ATF6: variants seen among roughly 807,000 people sequenced by gnomAD.
ATF6 encodes the protein cyclic AMP-dependent transcription factor ATF-6 alpha.
A neutral mutation model predicts 83.6 loss-of-function variants in ATF6; 53 were observed. That is an observed-to-expected ratio of 0.63 (90% CI 0.51 to 0.80). The LOEUF (loss-of-function observed/expected upper bound fraction) is 0.80, where lower values mean the gene tolerates loss of function less well. Among genes scored for constraint, ATF6 ranks in the 30% least tolerant of loss-of-function variants. The pLI is 0.00. For missense variants in ATF6, 744 were observed against 797.9 expected (o/e 0.93, Z 0.81); for synonymous variants, 288 against 285.8 (o/e 1.01, Z -0.08).
rs16823450 is a variant in ATF6 at position 161,903,559 on chromosome 1, C to T, written c.1720-8737C>T. Among the ~76,000 whole-genome samples the T allele has an allele frequency of 6.4e-3, 976 of 152,178 alleles. 11 individuals carry two copies. The highest frequency in any genetic ancestry group is 0.022 in the African/African-American group (924 of 41,506). The stretch of plus-strand genomic sequence containing the variant: ...CTATATCAGTTGCATTTAACTGTTG[C>T]GTTTCCTCAGGGACTTCACTCTCCT... On this transcript the variant is annotated intron_variant, in intron 14 of 15. Coordinates refer to ENST00000367942, the MANE Select transcript of ATF6 (RefSeq NM_007348.4).
chr1:161,871,292 A>G (rs1300998328), intron 14 of ATF6, among the ~76,000 whole-genome samples: 2 of 151,602 alleles, frequency 1.3e-5, no homozygotes, highest in Non-Finnish European at 3.0e-5. Flanking sequence ...TTGCTGTGGA[A>G]TAGAATAATT....
At chr1:161,867,757 G>A (rs1447431389) in intron 14 of ATF6, among the ~76,000 whole-genome samples, 6 of 152,136 alleles carry the variant, frequency 3.9e-5, no homozygotes, top group Non-Finnish European at 4.4e-5. Context: ...AAGTAAACAC[G>A]TAAAGTGTCT....
chr1:161,897,015 A>G (rs909509280), intron 14 of ATF6, among the ~76,000 whole-genome samples: 1 of 152,240 alleles, frequency 6.6e-6, no homozygotes, highest in African/African-American at 2.4e-5. Flanking sequence ...AGAAATACGC[A>G]AACCAGTAAA....
chr1:161,930,544 GA>G (rs1267970105), intron 15 of ATF6, among the ~76,000 whole-genome samples: 1 of 152,160 alleles, frequency 6.6e-6, no homozygotes, highest in Non-Finnish European at 1.5e-5. Flanking sequence ...TTATTATAAA[GA>G]GGAGAATTTT....
intron 15 of ATF6, among the ~76,000 whole-genome samples, chr1:161,954,102 G>A (rs1688922183): frequency 6.6e-6 from 1 of 152,136 alleles, no homozygotes; most frequent in Non-Finnish European, 1.5e-5. Flanking sequence ...TAACAGAAAT[G>A]CAGTGCATGG....
chr1:161,786,100 C>T (rs930382274), intron 4 of ATF6, among the ~76,000 whole-genome samples: 6 of 18,886 alleles, frequency 3.2e-4, no homozygotes, highest in South Asian at 1.6e-3. Flanking sequence ...CTCAGCCTCC[C>T]GAGTACCTGG....
intron 12 of ATF6, among the ~76,000 whole-genome samples, chr1:161,855,175 G>T (rs2101830416): frequency 1.3e-5 from 2 of 152,238 alleles, no homozygotes; most frequent in East Asian, 3.9e-4. Flanking sequence ...ACATAAAGTG[G>T]ACCATGGTGG....
intron 8 of ATF6, among the ~76,000 whole-genome samples, chr1:161,820,354 A>G (rs905235646): frequency 2.6e-5 from 4 of 152,170 alleles, no homozygotes; most frequent in Admixed American, 6.5e-5. Flanking sequence ...CCCTGAGTAC[A>G]TGGGAATACT....
intron 4 of ATF6, among the ~76,000 whole-genome samples, chr1:161,785,972 GTTC>G: frequency 6.9e-6 from 1 of 145,404 alleles, no homozygotes; most frequent in Admixed American, 6.7e-5. Flanking sequence ...TCAAATTTTT[GTTC>G]TTTTTTTTTT....
intron 5 of ATF6, 83 bp downstream of exon 5, chr1:161,791,620 A>G: frequency 6.9e-7 from 1 of 1,445,016 alleles, no homozygotes; most frequent in Non-Finnish European, 9.2e-7. Context: ...TGCTGGATTA[A>G]ATTTATGTTT....
intron 15 of ATF6, among the ~76,000 whole-genome samples, chr1:161,929,165 G>T (rs1231109157): frequency 6.6e-6 from 1 of 152,154 alleles, no homozygotes; most frequent in Non-Finnish European, 1.5e-5. Flanking sequence ...TACTTTTTAG[G>T]TGCTGTGTAT....
At chr1:161,901,091 TTCTG>T (rs1321767433) in intron 14 of ATF6, among the ~76,000 whole-genome samples, 1 of 152,136 alleles carries the variant, frequency 6.6e-6, no homozygotes, top group East Asian at 1.9e-4. Flanking sequence ...AAGCAGATAT[TTCTG>T]TCTGTCATAC....
chr1:161,871,047 T>C (rs1472714411), intron 14 of ATF6, among the ~76,000 whole-genome samples: 1 of 151,720 alleles, frequency 6.6e-6, no homozygotes, highest in Non-Finnish European at 1.5e-5. Context: ...TGCAATGCAT[T>C]GCAGGCTCGG....
At chr1:161,818,483 A>AAG (rs374246786) in intron 7 of ATF6, among the ~76,000 whole-genome samples, 2 of 152,134 alleles carry the variant, frequency 1.3e-5, no homozygotes, top group South Asian at 2.1e-4. Flanking sequence ...TAGGTGGGGA[A>AAG]AGAGAGAGAG....
intron 15 of ATF6, among the ~76,000 whole-genome samples, chr1:161,954,293 G>A (rs554410551): frequency 3.8e-4 from 58 of 152,220 alleles, no homozygotes; most frequent in Non-Finnish European, 6.9e-4. Context: ...GAGGTCTCTC[G>A]TGGTCCATGA....
chr1:161,953,659 G>A (rs1399531877), intron 15 of ATF6, among the ~76,000 whole-genome samples: 1 of 152,110 alleles, frequency 6.6e-6, no homozygotes, highest in East Asian at 1.9e-4. Context: ...ACGTGGTGGT[G>A]GCCAGAAGCT....
chr1:161,829,321 A>G lies in ATF6; in HGVS notation c.1187+8160A>G, dbSNP rs562570327. ...TTCATGCATAATGGGAGACTTTAAC[A>G]CCCCACTGTCAACATTAGACAGATC... is the stretch of plus-strand genomic sequence containing the variant. On this transcript the variant is annotated intron_variant, in intron 9 of 15. Coordinates refer to ENST00000367942, the MANE Select transcript of ATF6 (RefSeq NM_007348.4). 2.7e-5 allele frequency among the ~76,000 whole-genome samples: 4 copies of G among 150,050 alleles called. No homozygotes were observed. The South Asian group carries it at 8.4e-4, about 32-fold the overall frequency.
chr1:161,892,652 T>G (rs1464721210), intron 14 of ATF6, among the ~76,000 whole-genome samples: 4 of 138,852 alleles, frequency 2.9e-5, no homozygotes, highest in Non-Finnish European at 6.1e-5. Context: ...TTTTTTGAGA[T>G]GGAGTCGCGC....
At chr1:161,909,762 C>CT (rs1687952468) in intron 14 of ATF6, among the ~76,000 whole-genome samples, 2 of 152,084 alleles carry the variant, frequency 1.3e-5, no homozygotes, top group Non-Finnish European at 2.9e-5. Flanking sequence ...CAAGACCATC[C>CT]TGGCTAACAT....
Sources: gnomAD v4.1 joint callset for allele counts (sites outside exome capture counted in the v4.1 genomes callset) on GRCh38, gnomAD v4.1.1 for gene constraint, MANE v1.5 for transcripts, NCBI Gene and HGNC (gene_info 2026-07-23, HGNC 2026-07-21) for gene names.